TACC2: variants seen among roughly 807,000 people sequenced by gnomAD.
The protein encoded by TACC2 is transforming acidic coiled-coil containing protein 2, also known as transforming acidic coiled-coil-containing protein 2.
TACC2 carries 137 observed loss-of-function variants against 227.3 expected under a neutral mutation model. The observed-to-expected ratio is 0.60, with a 90% CI of 0.52 to 0.69. The LOEUF (loss-of-function observed/expected upper bound fraction) is 0.69. Ranked by LOEUF, TACC2 falls within the 30% of genes least tolerant of loss-of-function variation. TACC2 has a pLI of 0.00. For missense variants in TACC2, 3,470 were observed against 3,694.4 expected, an observed-to-expected ratio of 0.94 and a Z score of 1.57; for synonymous variants, 1,523 against 1,487.5, an observed-to-expected ratio of 1.02 and a Z score of -0.55.
rs543134454 is a variant in TACC2, at chr10:122,211,291, T to C, written c.6866T>C (p.Ile2289Thr). The change falls in exon 9 of 23, where the codon ATA becomes ACA. Residue 2289 changes from isoleucine (I) to threonine (T), a missense_variant. By Grantham distance (89) the Ile-to-Thr change is moderately conservative. Transcript: ENST00000369005. ...QQENPPPTKK[I>T]GKKPVAKMPL... ...GAAAACCCCCCTCCTACCAAAAAGA[T>C]AGGCAAAAAGCCAGTTGCCAAAATG... The C allele has an allele frequency of 1.7e-5, 27 of 1,613,846 alleles. No individual in the cohort carries two copies. The East Asian group carries it at 2.9e-4, about 17-fold the overall frequency.
chr10:122,197,734 T>C (rs1316247031), intron 8 of TACC2, among the ~76,000 whole-genome samples: 1 of 152,208 alleles, frequency 6.6e-6, no homozygotes, highest in African/African-American at 2.4e-5. Context: ...GTGTGAGGAT[T>C]GTACACTCAG....
In TACC2 at chr10:122,064,032, T is replaced by C. The variant is rs187442436; in HGVS notation, c.146+13482T>C. On this transcript the variant is annotated intron_variant, in intron 3 of 22. Coordinates refer to ENST00000369005, the MANE Select transcript of TACC2 (RefSeq NM_206862.4). ...CAAAAATTAGCCGGGCGCGGTGGTG[T>C]ATGCCTGTGGTCCCAGCTACTTGGG... Among the ~76,000 whole-genome samples, 3 of 151,960 alleles carry C rather than the reference T, an allele frequency of 2.0e-5. No homozygotes were observed. The East Asian group carries it at 5.9e-4, about 30-fold the overall frequency.
chr10:122,095,093 GCT>G (rs1244449769), intron 5 of TACC2, among the ~76,000 whole-genome samples: 1 of 152,204 alleles, frequency 6.6e-6, no homozygotes, highest in Non-Finnish European at 1.5e-5. Flanking sequence ...GGGCTAACTA[GCT>G]GCAGAGACAG....
intron 17 of TACC2, among the ~76,000 whole-genome samples, 163 bp downstream of exon 17, chr10:122,237,701 G>A (rs924255343): frequency 1.3e-5 from 2 of 152,256 alleles, no homozygotes; most frequent in African/African-American, 2.4e-5. Flanking sequence ...ACGCTATCGT[G>A]TAATGGGCCT....
chr10:122,164,508 G>T (rs1483052238), intron 7 of TACC2, among the ~76,000 whole-genome samples: 1 of 152,224 alleles, frequency 6.6e-6, no homozygotes, highest in Non-Finnish European at 1.5e-5. Flanking sequence ...AAGGCCGCTT[G>T]CTATTATTAG....
At chr10:122,163,821 G>A in intron 7 of TACC2, 1 of 1,462,308 alleles carries the variant, frequency 6.8e-7, no homozygotes, top group South Asian at 1.4e-5. Context: ...CTGCAGTGCA[G>A]CAACCCCGGC....
At position 122,128,380 on chromosome 10, in the gene TACC2, G is replaced by A. The variant is rs549040990; in HGVS notation, c.5574-4229G>A. The stretch of plus-strand genomic sequence containing the variant: ...AGATCCTCTGTCTCAAAAAAGTCAG[G>A]GAAGTGTTTATGATTTGAAAAATAA... On this transcript the variant is annotated intron_variant, in intron 5 of 22. Coordinates refer to ENST00000369005, the MANE Select transcript of TACC2 (RefSeq NM_206862.4). Among the ~76,000 whole-genome samples the A allele has an allele frequency of 4.4e-4, 67 of 152,296 alleles. No homozygotes were observed. The South Asian group carries it at 0.013, about 30-fold the overall frequency.
intron 7 of TACC2, among the ~76,000 whole-genome samples, chr10:122,157,934 T>A: frequency 6.6e-6 from 1 of 151,782 alleles, no homozygotes; most frequent in East Asian, 1.9e-4. Flanking sequence ...TGTTACTGAT[T>A]TTTTTTTTCA....
Position 122,211,916 on chromosome 10 carries a change from C to T in TACC2, c.7283+208C>T, listed in dbSNP as rs144968641. On this transcript the variant is annotated intron_variant, in intron 9 of 22. Coordinates refer to ENST00000369005, the MANE Select transcript of TACC2 (RefSeq NM_206862.4). ...CACAGTGGTGGCATTTTCCCATCCA[C>T]ATACCCCTTTGTGTCCTTGATCTTT... is the stretch of plus-strand genomic sequence containing the variant. Among the ~76,000 whole-genome samples, 993 of 152,334 alleles carry T rather than the reference C, an allele frequency of 6.5e-3. 15 individuals are homozygous for T. Among genetic ancestry groups the T allele is most frequent in the African/African-American group, 0.022 (909 of 41,562 alleles).
In TACC2 at chr10:122,254,158, G is replaced by T. The variant is rs569504865; in HGVS notation, c.*102G>T. On this transcript the variant is annotated 3_prime_UTR_variant, in exon 23 of 23. Transcript: ENST00000369005. ...GGACAGGTTCTGTTTTCACTTTTTC[G>T]TATGCACTACTGTATTTCCTTTCTA... 2 of 904,630 alleles carry T rather than the reference G, an allele frequency of 2.2e-6. No individual in the cohort carries two copies. The highest frequency in any genetic ancestry group is 1.9e-6 in the Non-Finnish European group (1 of 534,424). 56.0% of individuals were successfully genotyped at this position (904,630 alleles called of 1,614,324 possible).
chr10:122,039,053 G>A (rs768977695), intron 2 of TACC2, among the ~76,000 whole-genome samples: 4 of 152,302 alleles, frequency 2.6e-5, no homozygotes, highest in Admixed American at 6.5e-5. Context: ...TTGGCTCACT[G>A]TAACCTCTGC....
At position 122,237,422 on chromosome 10, in the gene TACC2, T is replaced by C; in HGVS notation, c.8155T>C (p.Ser2719Pro). The C allele has an allele frequency of 6.2e-7, 1 of 1,613,824 alleles. No homozygotes were observed. Among genetic ancestry groups the C allele is most frequent in the Non-Finnish European group, 8.5e-7 (1 of 1,179,834 alleles). The change falls in exon 17 of 23, where the codon TCC becomes CCC. Residue 2719 changes from serine (S) to proline (P), a missense_variant. Physicochemically the swap from Ser to Pro is moderately conservative, Grantham distance 74. This residue lies in a region of TACC2 where 345 missense variants were observed against 354.4 expected (regional missense o/e 0.97). Transcript: ENST00000369005. ...KREAAHPTDV[S>P]ISKTALYSRI... ...AGAGGCTGCTCACCCAACAGACGTC[T>C]CCATCTCCAAAACAGCCTTGTACTC... is the stretch of plus-strand genomic sequence containing the variant.
At chr10:122,038,549 C>T (rs1387571430) in intron 2 of TACC2, among the ~76,000 whole-genome samples, 1 of 152,040 alleles carries the variant, frequency 6.6e-6, no homozygotes, top group Non-Finnish European at 1.5e-5. Context: ...CTAAGGTGGT[C>T]GTTGTCTTGA....
chr10:122,176,234 A>T (rs376204937), intron 7 of TACC2, among the ~76,000 whole-genome samples: 3 of 151,800 alleles, frequency 2.0e-5, no homozygotes, highest in Non-Finnish European at 4.4e-5. Flanking sequence ...ACCACTCAAG[A>T]TGGCTTTCAT....
chr10:122,217,774 G>A (rs2095440805), intron 11 of TACC2, among the ~76,000 whole-genome samples: 1 of 151,872 alleles, frequency 6.6e-6, no homozygotes, highest in South Asian at 2.1e-4. Context: ...AGGAGAGCTA[G>A]CACCTTTCTT....
chr10:122,169,363 A>G (rs1466585819), intron 7 of TACC2, among the ~76,000 whole-genome samples: 4 of 152,164 alleles, frequency 2.6e-5, no homozygotes, highest in Non-Finnish European at 5.9e-5. Context: ...GGTGACTTCT[A>G]TAGATAAGGA....
chr10:122,250,982 C>T (rs1268048294), intron 22 of TACC2, among the ~76,000 whole-genome samples: 4 of 126,614 alleles, frequency 3.2e-5, no homozygotes, highest in Non-Finnish European at 4.6e-5. Context: ...TGCAGTGGTG[C>T]AGTCATGGCT....
rs185659253 is a variant in TACC2 at position 122,059,511 on chromosome 10, G to A, written c.146+8961G>A. 4.4e-3 allele frequency among the ~76,000 whole-genome samples: 673 copies of A among 152,160 alleles called. 2 individuals are homozygous for A. Among genetic ancestry groups the A allele is most frequent in the Non-Finnish European group, 6.2e-3 (420 of 68,026 alleles). On this transcript the variant is annotated intron_variant, in intron 3 of 22. Transcript: ENST00000369005. ...ATAAGGATAGCTAACTTTTGTTTGCGCTTTGGATAATTCGCATACAGACTC... is the reference window on the plus strand; with the variant it reads ...ATAAGGATAGCTAACTTTTGTTTGCACTTTGGATAATTCGCATACAGACTC...
intron 7 of TACC2, among the ~76,000 whole-genome samples, chr10:122,167,134 CAGAG>C (rs1329227572): frequency 6.6e-6 from 1 of 152,230 alleles, no homozygotes; most frequent in Non-Finnish European, 1.5e-5. Context: ...GGGCCATTAT[CAGAG>C]AGCAAAAGCG....
Sources: gnomAD v4.1 joint callset for allele counts (sites outside exome capture counted in the v4.1 genomes callset) on GRCh38, gnomAD v4.1.1 for gene constraint, gnomAD v4.1.1 regional missense constraint, MANE v1.5 for transcripts, NCBI Gene and HGNC (gene_info 2026-07-23, HGNC 2026-07-21) for gene names.